Variants in DCC observed in about 807,000 individuals in gnomAD.
DCC encodes the protein DCC netrin 1 receptor.
In DCC, 58 loss-of-function variants were observed where a neutral mutation model predicts 172.5. The observed-to-expected ratio is 0.34, with a 90% CI of 0.27 to 0.42. The LOEUF (loss-of-function observed/expected upper bound fraction) is 0.42. DCC is among the 10% of genes least tolerant of loss of function. The probability of loss-of-function intolerance (pLI) is 1.00; values close to 1 mark genes in which losing one functional copy is unlikely to be tolerated. For synonymous variants in DCC, 709 were observed against 644.5 expected (o/e 1.10, Z -1.52); for missense variants, 1,740 against 1,791.0 (o/e 0.97, Z 0.51).
Position 52,618,751 on chromosome 18 carries a change from A to T in DCC, c.92-133303A>T, listed in dbSNP as rs907629824. Among the ~76,000 whole-genome samples, 8 of 152,262 alleles carry T rather than the reference A, an allele frequency of 5.3e-5. No individual in the cohort carries two copies. In the East Asian group the frequency reaches 9.7e-4, roughly 18 times the overall value. ...GTACTATAGGCTGTATTTTATCAAT[A>T]CCACCTATTGCTTTACCTTCTTTTC... On this transcript the variant is annotated intron_variant, in intron 1 of 28. Coordinates refer to ENST00000442544, the MANE Select transcript of DCC (RefSeq NM_005215.4).
At chr18:52,351,532 T>C (rs1984122049) in intron 1 of DCC, among the ~76,000 whole-genome samples, 2 of 152,162 alleles carry the variant, frequency 1.3e-5, no homozygotes, top group African/African-American at 4.8e-5. Flanking sequence ...AGAGAGGGAC[T>C]TTGAAAAGTG....
rs1035151955 is a variant in DCC, at chr18:52,757,901, T to C, written c.412+5527T>C. On this transcript the variant is annotated intron_variant, in intron 2 of 28. Coordinates refer to ENST00000442544, the MANE Select transcript of DCC (RefSeq NM_005215.4). The stretch of plus-strand genomic sequence containing the variant: ...AGATAGTCTAAATCCAGATGCACAC[T>C]TATTCCCTTATCACTTTGCTTCTCA... Among the ~76,000 whole-genome samples the C allele has an allele frequency of 2.0e-5, 3 of 152,134 alleles. No individual in the cohort carries two copies. In the East Asian group the frequency reaches 5.8e-4, roughly 29 times the overall value.
At chr18:52,868,860 G>A (rs565418504) in intron 2 of DCC, among the ~76,000 whole-genome samples, 2 of 152,336 alleles carry the variant, frequency 1.3e-5, no homozygotes, top group East Asian at 1.9e-4. Flanking sequence ...AGACACACCA[G>A]CTGCTGCCAT....
chr18:53,519,904 G>GT (rs905981653), intron 27 of DCC, among the ~76,000 whole-genome samples: 1 of 152,044 alleles, frequency 6.6e-6, no homozygotes, highest in African/African-American at 2.4e-5. Flanking sequence ...TTGTTTTTGT[G>GT]TTTTTTCCTA....
intron 1 of DCC, among the ~76,000 whole-genome samples, chr18:52,644,101 A>T (rs1371270901): frequency 6.6e-6 from 1 of 152,176 alleles, no homozygotes; most frequent in Non-Finnish European, 1.5e-5. Flanking sequence ...CCAGGAAGCC[A>T]TTTGCTCAAG....
chr18:52,581,701 C>T (rs1353799203), intron 1 of DCC, among the ~76,000 whole-genome samples: 1 of 152,026 alleles, frequency 6.6e-6, no homozygotes, highest in Non-Finnish European at 1.5e-5. Flanking sequence ...TTTTAGCAAA[C>T]TCCAGGAACA....
chr18:53,483,973 A>AGAT (rs1385713542), intron 25 of DCC, among the ~76,000 whole-genome samples: 1 of 147,222 alleles, frequency 6.8e-6, no homozygotes, highest in Non-Finnish European at 1.5e-5. Context: ...ATAGATAGAT[A>AGAT]GATAGATAGA....
chr18:52,487,796 G>A (rs1195673116), intron 1 of DCC, among the ~76,000 whole-genome samples: 1 of 115,960 alleles, frequency 8.6e-6, no homozygotes, highest in Non-Finnish European at 1.7e-5. Flanking sequence ...GGGTGACAGA[G>A]TGAGACTCCA....
chr18:52,992,207 T>A (rs2041405083), intron 5 of DCC, among the ~76,000 whole-genome samples: 1 of 152,164 alleles, frequency 6.6e-6, no homozygotes, highest in Non-Finnish European at 1.5e-5. Flanking sequence ...GTTTTGCAGA[T>A]GTCCTTGAAT....
intron 12 of DCC, among the ~76,000 whole-genome samples, chr18:53,264,757 A>AT (rs559506784): frequency 5.7e-4 from 86 of 151,748 alleles, no homozygotes; most frequent in Middle Eastern, 6.8e-3. Context: ...AATTATCATC[A>AT]TTTTTTTTGC....
intron 3 of DCC, among the ~76,000 whole-genome samples, chr18:52,920,020 C>A (rs1415544097): frequency 0.024 from 2,387 of 98,800 alleles, no homozygotes; most frequent in Middle Eastern, 0.045. Flanking sequence ...TGTCCATATA[C>A]AAAAAAAAAA....
chr18:53,185,419 G>A (rs970244734), intron 9 of DCC, among the ~76,000 whole-genome samples: 2 of 152,066 alleles, frequency 1.3e-5, no homozygotes, highest in Admixed American at 6.6e-5. Context: ...ACAGTTTCCA[G>A]TACAGTAACC....
At chr18:52,694,729 C>T (rs934985581) in intron 1 of DCC, among the ~76,000 whole-genome samples, 1 of 152,036 alleles carries the variant, frequency 6.6e-6, no homozygotes, top group Admixed American at 6.6e-5. Context: ...TGGACTGTGG[C>T]TCTCAGGAGA....
chr18:52,587,629 C>T (rs182609748), intron 1 of DCC, among the ~76,000 whole-genome samples: 1 of 152,346 alleles, frequency 6.6e-6, no homozygotes, highest in East Asian at 1.9e-4. Context: ...CTGGCCATTT[C>T]TTCTTCCATG....
chr18:52,821,270 A>G (rs1022224280), intron 2 of DCC, among the ~76,000 whole-genome samples: 1 of 151,812 alleles, frequency 6.6e-6, no homozygotes, highest in African/African-American at 2.4e-5. Context: ...TATCTAAACA[A>G]CCTCTCAACA....
chr18:52,908,620 C>T, intron 3 of DCC, among the ~76,000 whole-genome samples: 1 of 151,758 alleles, frequency 6.6e-6, no homozygotes, highest in Middle Eastern at 3.4e-3. Flanking sequence ...TTTTAAAAGA[C>T]ACAGAGACAT....
intron 1 of DCC, among the ~76,000 whole-genome samples, chr18:52,660,613 C>T (rs780568039): frequency 6.6e-5 from 10 of 152,126 alleles, no homozygotes; most frequent in Admixed American, 1.3e-4. Flanking sequence ...ATTTCATTGT[C>T]GCCTATAAGT....
chr18:53,196,941 A>G (rs1460339582), intron 9 of DCC, among the ~76,000 whole-genome samples: 1 of 152,054 alleles, frequency 6.6e-6, no homozygotes, highest in Non-Finnish European at 1.5e-5. Context: ...CAGTTCAGTC[A>G]AGGAGAGGTT....
intron 1 of DCC, among the ~76,000 whole-genome samples, chr18:52,506,996 G>A (rs1384100178): frequency 6.6e-6 from 1 of 152,016 alleles, no homozygotes; most frequent in East Asian, 1.9e-4. Context: ...CCTTAAAAAA[G>A]TTTCTAAAAG....
Sources: allele counts gnomAD v4.1 joint callset (sites outside exome capture counted in the v4.1 genomes callset), GRCh38; gene constraint gnomAD v4.1.1; transcripts MANE v1.5; gene names NCBI Gene and HGNC (gene_info 2026-07-23, HGNC 2026-07-21).